GPM6A: variants seen among roughly 807,000 people sequenced by gnomAD.
The protein encoded by GPM6A is neuronal membrane glycoprotein M6-a.
In GPM6A, 7 loss-of-function variants were observed where a neutral mutation model predicts 32.1. The ratio of observed to expected loss-of-function variants is 0.22; its 90% CI spans 0.12 to 0.41. The LOEUF (loss-of-function observed/expected upper bound fraction) is 0.41. GPM6A is among the 10% of genes least tolerant of loss of function. GPM6A has a pLI of 1.00. For missense variants in GPM6A, 235 were observed against 347.2 expected (o/e 0.68, Z 2.57); for synonymous variants, 130 against 123.4 (o/e 1.05, Z -0.35).
chr4:175,639,184 C>T (rs1740990878), intron 6 of GPM6A, among the ~76,000 whole-genome samples: 1 of 152,160 alleles, frequency 6.6e-6, no homozygotes, highest in South Asian at 2.1e-4. Context: ...AAATTAAATA[C>T]AAAATATTTA....
intron 1 of GPM6A, among the ~76,000 whole-genome samples, chr4:175,855,114 A>G (rs1736377525): frequency 6.6e-6 from 1 of 152,216 alleles, no homozygotes; most frequent in African/African-American, 2.4e-5. Flanking sequence ...ACATAGTTCC[A>G]CAGTATTTTT....
chr4:175,747,063 A>G (rs567154114), intron 1 of GPM6A, among the ~76,000 whole-genome samples: 3 of 152,244 alleles, frequency 2.0e-5, no homozygotes, highest in African/African-American at 7.2e-5. Flanking sequence ...CAAGGTCAGG[A>G]GGTCGAGACC....
At chr4:175,960,734 A>G (rs1042963220) in intron 1 of GPM6A, 4 of 152,198 alleles carry the variant, frequency 2.6e-5, no homozygotes. Flanking sequence ...ACCCTAAATA[A>G]GACACTTACC....
chr4:175,778,938 A>T (rs117697684), intron 1 of GPM6A, among the ~76,000 whole-genome samples: 4,303 of 151,616 alleles, frequency 0.028, 172 homozygotes, highest in East Asian at 0.18. Flanking sequence ...TAAGTATAAT[A>T]CATAAGTATA....
chr4:175,842,500 C>T (rs376257432), intron 1 of GPM6A, among the ~76,000 whole-genome samples: 4 of 152,008 alleles, frequency 2.6e-5, no homozygotes, highest in African/African-American at 7.2e-5. Flanking sequence ...AGGCGGGAGA[C>T]GTGCTTGAGT....
chr4:175,774,210 A>G (rs1339011150), intron 1 of GPM6A, among the ~76,000 whole-genome samples: 1 of 151,940 alleles, frequency 6.6e-6, no homozygotes, highest in Non-Finnish European at 1.5e-5. Flanking sequence ...AATGTGTATC[A>G]AGTCCAGTGG....
intron 1 of GPM6A, among the ~76,000 whole-genome samples, chr4:175,875,131 G>A (rs1244143458): frequency 1.3e-5 from 2 of 152,082 alleles, no homozygotes; most frequent in Admixed American, 6.5e-5. Flanking sequence ...GAACCTTGAT[G>A]CAAGAATACT....
chr4:175,990,722 T>C (rs532815712), intron 1 of GPM6A, among the ~76,000 whole-genome samples: 26 of 151,898 alleles, frequency 1.7e-4, no homozygotes, highest in Non-Finnish European at 3.4e-4. Context: ...CTTAAGATGA[T>C]ATAATGAGAT....
intron 1 of GPM6A, among the ~76,000 whole-genome samples, chr4:175,823,281 G>A (rs1560951962): frequency 6.6e-6 from 1 of 152,184 alleles, no homozygotes; most frequent in Non-Finnish European, 1.5e-5. Context: ...TTTGAGTAAA[G>A]GCTTAGTGCT....
At chr4:175,921,940 G>T (rs1738681147) in intron 1 of GPM6A, among the ~76,000 whole-genome samples, 1 of 152,162 alleles carries the variant, frequency 6.6e-6, no homozygotes, top group African/African-American at 2.4e-5. Flanking sequence ...AATAATCCAG[G>T]TCACTAGAAC....
At chr4:175,773,686 A>G (rs1733281929) in intron 1 of GPM6A, among the ~76,000 whole-genome samples, 1 of 152,128 alleles carries the variant, frequency 6.6e-6, no homozygotes, top group Admixed American at 6.5e-5. Context: ...TTGAATGGGG[A>G]GAGAAAAGGA....
At chr4:175,645,549 C>T (rs547587700) in intron 4 of GPM6A, among the ~76,000 whole-genome samples, 15 of 151,732 alleles carry the variant, frequency 9.9e-5, no homozygotes, top group African/African-American at 3.6e-4. Flanking sequence ...GGTAAAACCC[C>T]GTCTCTACTA....
chr4:175,943,347 A>G (rs890598460), intron 1 of GPM6A, among the ~76,000 whole-genome samples: 2 of 152,110 alleles, frequency 1.3e-5, no homozygotes, highest in Non-Finnish European at 2.9e-5. Context: ...GACTTCCTCT[A>G]TTCCTATTTG....
intron 1 of GPM6A, among the ~76,000 whole-genome samples, chr4:175,999,959 C>G (rs1316113721): frequency 1.3e-5 from 2 of 152,072 alleles, no homozygotes; most frequent in African/African-American, 4.8e-5. Flanking sequence ...CCTTAAGTGG[C>G]CAAATGTTTT....
Position 175,634,889 on chromosome 4 carries a change from G to T in GPM6A, c.*16C>A. On this transcript the variant is annotated 3_prime_UTR_variant, in exon 7 of 7. Transcript: ENST00000393658. Reference sequence around the variant, plus strand: ...CACCAATGCATTCAAATGGTAGAAAGAACAGGAAGATGCATTTATGTGTAT... The same window carrying T: ...CACCAATGCATTCAAATGGTAGAAATAACAGGAAGATGCATTTATGTGTAT... The T allele has an allele frequency of 6.2e-7, 1 of 1,608,378 alleles. No individual in the cohort carries two copies. The highest frequency in any genetic ancestry group is 2.2e-5 in the East Asian group (1 of 44,830).
intron 4 of GPM6A, among the ~76,000 whole-genome samples, chr4:175,650,323 G>T (rs1430780556): frequency 1.4e-5 from 2 of 140,286 alleles, no homozygotes; most frequent in Admixed American, 1.5e-4. Flanking sequence ...TATTTATTTT[G>T]AGATGGAGTC....
intron 1 of GPM6A, among the ~76,000 whole-genome samples, chr4:175,712,800 G>C (rs1283749506): frequency 1.3e-5 from 2 of 152,164 alleles, no homozygotes; most frequent in Non-Finnish European, 2.9e-5. Context: ...TCTACACACT[G>C]TGTATACAGA....
chr4:175,671,984 G>GAAAAAAAA (rs773227963), intron 3 of GPM6A, among the ~76,000 whole-genome samples: 3 of 109,670 alleles, frequency 2.7e-5, no homozygotes, highest in Non-Finnish European at 6.0e-5. Flanking sequence ...TACCATTATA[G>GAAAAAAAA]AAAAAAAAAA....
At chr4:175,972,829 A>G (rs1740548690) in intron 1 of GPM6A, among the ~76,000 whole-genome samples, 1 of 152,182 alleles carries the variant, frequency 6.6e-6, no homozygotes, top group African/African-American at 2.4e-5. Flanking sequence ...CTATGCTGTG[A>G]CAATGTATAT....
Sources: allele counts gnomAD v4.1 joint callset (sites outside exome capture counted in the v4.1 genomes callset), GRCh38; gene constraint gnomAD v4.1.1; transcripts MANE v1.5; gene names NCBI Gene and HGNC (gene_info 2026-07-23, HGNC 2026-07-21).